The following AGBL5 variants were observed in gnomAD, a reference collection of about 807,000 sequenced individuals.
AGBL5 encodes cytosolic carboxypeptidase-like protein 5.
In AGBL5, 51 loss-of-function variants were observed where a neutral mutation model predicts 88.0. The ratio of observed to expected loss-of-function variants is 0.58; its 90% confidence interval spans 0.46 to 0.73. AGBL5 has a LOEUF of 0.73. Among genes scored for constraint, AGBL5 ranks in the 30% least tolerant of loss-of-function variants. AGBL5 has a pLI of 0.00. For synonymous variants in AGBL5, 446 were observed against 438.8 expected (o/e 1.02, Z -0.21); for missense variants, 1,031 against 1,162.2 (o/e 0.89, Z 1.64).
At chr2:27,060,074 A>G (rs1668640983) in intron 11 of AGBL5, among the ~76,000 whole-genome samples, 1 of 152,210 alleles carries the variant, frequency 6.6e-6, no homozygotes, top group Admixed American at 6.5e-5. Flanking sequence ...GCTTGAACCC[A>G]GGAGGCAGAA....
chr2:27,056,369 C>A, intron 7 of AGBL5: 1 of 601,234 alleles, frequency 1.7e-6, no homozygotes, highest in South Asian at 2.6e-5. Context: ...TTATAGTCTG[C>A]TAGAGTCTGG....
chr2:27,056,303 G>C lies in AGBL5; in HGVS notation c.1365+165G>C. ...GAAGGGCCAAGAAGAGATGGCACAGGGGGATAATGTCTCAATTGTTACATC... is the reference window on the plus strand; with the variant it reads ...GAAGGGCCAAGAAGAGATGGCACAGCGGGATAATGTCTCAATTGTTACATC... On this transcript the variant is annotated intron_variant, in intron 7 of 14. Transcript: ENST00000360131. 5 of 681,138 alleles carry C rather than the reference G, an allele frequency of 7.3e-6. No individual in the cohort carries two copies. The South Asian group carries it at 9.9e-5, about 13-fold the overall frequency. The allele number at this position is 681,138 out of a possible 1,614,324, so 42.2% of individuals were successfully genotyped here.
chr2:27,053,808 G>C lies in AGBL5; in HGVS notation c.388-88G>C, dbSNP rs542565463. 6.6e-7 allele frequency: 1 copy of C among 1,510,630 alleles called. No homozygotes were observed. The highest frequency in any genetic ancestry group is 1.4e-5 in the African/African-American group (1 of 72,064). 93.6% of individuals were successfully genotyped at this position (1,510,630 alleles called of 1,614,324 possible). On this transcript the variant is annotated intron_variant, in intron 3 of 14. Coordinates refer to ENST00000360131, the MANE Select transcript of AGBL5 (RefSeq NM_021831.6). The surrounding 1 kb of genome is among the most constrained non-coding windows in gnomAD (Gnocchi z 4.9). ...GAGGGAAGTTGGTAAAGGTGATAAGGGTGTGAGGTCAGTTCCTGGTGGTCC... is the reference window on the plus strand; with the variant it reads ...GAGGGAAGTTGGTAAAGGTGATAAGCGTGTGAGGTCAGTTCCTGGTGGTCC...
At chr2:27,058,344 G>C in intron 9 of AGBL5, 56 bp from the exon 10 acceptor site, 1 of 1,598,098 alleles carries the variant, frequency 6.3e-7, no homozygotes, top group Admixed American at 1.7e-5. Flanking sequence ...CCCACCCCAA[G>C]GTAGCAGCCT....
At chr2:27,067,777 C>T in intron 12 of AGBL5, 131 bp downstream of exon 12, 1 of 1,006,522 alleles carries the variant, frequency 9.9e-7, no homozygotes, top group East Asian at 2.4e-5. Flanking sequence ...AACACTGGTG[C>T]CTTTGTATAG....
chr2:27,061,695 G>A (rs1668725413), intron 11 of AGBL5: 1 of 152,130 alleles, frequency 6.6e-6, no homozygotes, highest in Admixed American at 6.5e-5. Flanking sequence ...GCCTCTTCTA[G>A]CTCTTAACTC....
At chr2:27,067,183 C>T (rs1669028836) in intron 11 of AGBL5, among the ~76,000 whole-genome samples, 1 of 147,782 alleles carries the variant, frequency 6.8e-6, no homozygotes, top group Non-Finnish European at 1.5e-5. Context: ...GCCTAGGAGG[C>T]TGAGGCTCGG....
Position 27,070,559 on chromosome 2 carries a change from C to T in AGBL5, c.*296C>T. Reference sequence around the variant, plus strand: ...CCCTATACTGGGCCCTATTCAGTGGCAGCTTCTTGTTCCATAGGATTAAGG... The same window carrying T: ...CCCTATACTGGGCCCTATTCAGTGGTAGCTTCTTGTTCCATAGGATTAAGG... On this transcript the variant is annotated 3_prime_UTR_variant, in exon 15 of 15. Transcript: ENST00000360131. 1 of 327,168 alleles carries T rather than the reference C, an allele frequency of 3.1e-6. No homozygotes were observed. Among genetic ancestry groups the T allele is most frequent in the Non-Finnish European group, 5.6e-6 (1 of 177,038 alleles). 20.3% of individuals were successfully genotyped at this position (327,168 alleles called of 1,614,324 possible).
Position 27,055,931 on chromosome 2 carries a change from T to C in AGBL5, c.1158T>C (p.Ala386=), listed in dbSNP as rs768511974. 2.5e-6 allele frequency: 4 copies of C among 1,614,070 alleles called. No homozygotes were observed. The highest frequency in any genetic ancestry group is 3.4e-6 in the Non-Finnish European group (4 of 1,180,038). Residue 386 remains alanine (A), a synonymous_variant, in exon 7 of 15, where the codon GCT becomes GCC. Coordinates refer to ENST00000360131, the MANE Select transcript of AGBL5 (RefSeq NM_021831.6). ...QCGHSADRHN[A]EAWKQTEPAE... Reference sequence around the variant, plus strand: ...GGCACTCAGCTGACAGGCATAACGCTGAAGCCTGGAAACAAACAGAGCCAG... The same window carrying C: ...GGCACTCAGCTGACAGGCATAACGCCGAAGCCTGGAAACAAACAGAGCCAG...
Position 27,053,243 on chromosome 2 carries a change from T to G in AGBL5, c.215+70T>G. On this transcript the variant is annotated intron_variant, in intron 2 of 14. Transcript: ENST00000360131. This position sits in a 1 kb window ranked among gnomAD's most constrained non-coding sequence, Gnocchi z 4.9. Reference sequence around the variant, plus strand: ...GCTTCAGTTAGCCCTCTGACTTATCTGTTCATACCCAGCATACTCCCTGTC... The same window carrying G: ...GCTTCAGTTAGCCCTCTGACTTATCGGTTCATACCCAGCATACTCCCTGTC... 6.5e-7 allele frequency: 1 copy of G among 1,527,160 alleles called. No individual in the cohort carries two copies. Among genetic ancestry groups the G allele is most frequent in the Non-Finnish European group, 8.9e-7 (1 of 1,127,896 alleles). The allele number at this position is 1,527,160 out of a possible 1,614,324, so 94.6% of individuals were successfully genotyped here.
intron 1 of AGBL5, chr2:27,052,539 T>A (rs1668212241): frequency 6.4e-6 from 1 of 155,070 alleles, no homozygotes; most frequent in South Asian, 2.0e-4. Flanking sequence ...TGGCCATGTA[T>A]GGTGGTGAGT....
At chr2:27,050,863 T>C (rs1431959349), upstream of AGBL5, 3 of 152,244 alleles carry the variant, frequency 2.0e-5, no homozygotes, top group South Asian at 4.1e-4. Flanking sequence ...CGATTCCGGC[T>C]CGAAGGACTT....
intron 11 of AGBL5, among the ~76,000 whole-genome samples, chr2:27,066,927 A>G (rs1406915071): frequency 6.6e-6 from 1 of 152,082 alleles, no homozygotes; most frequent in East Asian, 1.9e-4. Flanking sequence ...TACTAAAAAT[A>G]CAAAAATTAG....
At position 27,059,264 on chromosome 2, in the gene AGBL5, G is replaced by GT. The variant is rs772873071; in HGVS notation, c.1950dup (p.Ser651Ter). Reference sequence around the variant, plus strand: ...TTTAGCACCGGCACAAGTGCCGGTGGTAGCAGCAGCAGCCAACAAAATTCT... The same window carrying GT: ...TTTAGCACCGGCACAAGTGCCGGTGGTTAGCAGCAGCAGCCAACAAAATTCT... On this transcript the variant is annotated frameshift_variant, in exon 11 of 15. Transcript: ENST00000360131. LOFTEE classifies it high-confidence loss of function. 28 of 1,614,098 alleles carry GT rather than the reference G, an allele frequency of 1.7e-5. No individual in the cohort carries two copies. The highest frequency in any genetic ancestry group is 2.3e-5 in the Non-Finnish European group (27 of 1,180,046).
intron 11 of AGBL5, 61 bp downstream of exon 11, chr2:27,059,465 A>G: frequency 6.2e-7 from 1 of 1,605,568 alleles, no homozygotes; most frequent in Non-Finnish European, 8.5e-7. Flanking sequence ...TGCTGGGGGA[A>G]GTAAGAGCTT....
chr2:27,050,600 A>G (rs1668030122), upstream of AGBL5, among the ~76,000 whole-genome samples: 1 of 152,254 alleles, frequency 6.6e-6, no homozygotes, highest in Non-Finnish European at 1.5e-5. Flanking sequence ...TTCTGGCCTG[A>G]GAACCCGGAC....
chr2:27,058,251 TA>T, intron 9 of AGBL5, 148 bp from the exon 10 acceptor site: 1 of 891,060 alleles, frequency 1.1e-6, no homozygotes, highest in Non-Finnish European at 1.7e-6. Context: ...CCGTTTGCAA[TA>T]AACAGCCTGG....
intron 6 of AGBL5, 81 bp downstream of exon 6, chr2:27,055,334 TG>T: frequency 6.5e-7 from 1 of 1,527,860 alleles, no homozygotes; most frequent in Non-Finnish European, 8.9e-7. Context: ...GTCAGCCTTC[TG>T]GCTTCTGTGT....
chr2:27,057,436 C>A lies in AGBL5; in HGVS notation c.1669C>A (p.Gln557Lys). ...PSRYTVELFE[Q>K]VGRAMAIAAL... Reference sequence around the variant, plus strand: ...CAGATACACTGTGGAACTATTTGAGCAGGTATGAATACATGGTGTAAGTGG... The same window carrying A: ...CAGATACACTGTGGAACTATTTGAGAAGGTATGAATACATGGTGTAAGTGG... Residue 557 changes from glutamine to lysine, a missense_variant and splice_region_variant, in exon 9 of 15, where the codon CAG becomes AAG. Gln to Lys is a moderately conservative substitution (Grantham distance 53, BLOSUM62 1). Around this residue, in one of 2 missense-constraint regions of AGBL5, gnomAD observed 491 missense variants for 484.0 expected, o/e 1.01. Coordinates refer to ENST00000360131, the MANE Select transcript of AGBL5 (RefSeq NM_021831.6). 1 of 1,609,912 alleles carries A rather than the reference C, an allele frequency of 6.2e-7. No individual in the cohort carries two copies.
Sources: gnomAD v4.1 joint callset for allele counts (sites outside exome capture counted in the v4.1 genomes callset) on GRCh38, gnomAD v4.1.1 for gene constraint, gnomAD v4.1.1 regional missense constraint, Gnocchi (gnomAD v3.1) non-coding constraint, MANE v1.5 for transcripts, NCBI Gene and HGNC (gene_info 2026-07-23, HGNC 2026-07-21) for gene names.